The following PRMT3 variants were observed in gnomAD, a reference collection of about 807,000 sequenced individuals.
PRMT3 encodes protein arginine N-methyltransferase 3.
Under a neutral mutation model 71.9 loss-of-function variants are expected in PRMT3, and 62 were observed. The ratio of observed to expected loss-of-function variants is 0.86; its 90% CI spans 0.70 to 1.07. The LOEUF is 1.07. Among genes scored for constraint, PRMT3 ranks in the 50% least tolerant of loss-of-function variants. The pLI is 0.00. For synonymous variants in PRMT3, 213 were observed against 220.4 expected, an observed-to-expected ratio of 0.97 and a Z score of 0.30; for missense variants, 663 against 643.0, an observed-to-expected ratio of 1.03 and a Z score of -0.34.
intron 10 of PRMT3, among the ~76,000 whole-genome samples, chr11:20,429,902 A>C (rs116203623): frequency 0.011 from 1,680 of 152,304 alleles, 39 homozygotes; most frequent in African/African-American, 0.039. Flanking sequence ...CATTTATGGT[A>C]TCTTCTAAAT....
At chr11:20,402,254 G>C (rs1390774000) in intron 7 of PRMT3, among the ~76,000 whole-genome samples, 3 of 151,970 alleles carry the variant, frequency 2.0e-5, no homozygotes, top group Non-Finnish European at 4.4e-5. Flanking sequence ...CCAGTAGCTA[G>C]GATTACAGGC....
At chr11:20,452,885 AAAT>A (rs1734295099) in intron 11 of PRMT3, among the ~76,000 whole-genome samples, 1 of 152,204 alleles carries the variant, frequency 6.6e-6, no homozygotes, top group African/African-American at 2.4e-5. Flanking sequence ...TTTAACTCTT[AAAT>A]GAGCTCCACA....
chr11:20,496,287 G>C (rs774743768), intron 15 of PRMT3, among the ~76,000 whole-genome samples: 1 of 151,956 alleles, frequency 6.6e-6, no homozygotes, highest in African/African-American at 2.4e-5. Context: ...GCATGGTGGC[G>C]CACACCTATA....
chr11:20,436,546 T>G (rs1186183595), intron 10 of PRMT3, among the ~76,000 whole-genome samples: 1 of 152,200 alleles, frequency 6.6e-6, no homozygotes, highest in Non-Finnish European at 1.5e-5. Flanking sequence ...GAGATGATCA[T>G]ATGGCTTTTG....
intron 15 of PRMT3, among the ~76,000 whole-genome samples, chr11:20,502,121 A>G (rs1304978048): frequency 6.6e-6 from 1 of 152,198 alleles, no homozygotes; most frequent in Non-Finnish European, 1.5e-5. Context: ...ATATACTAAC[A>G]GCCGTCTGCT....
intron 10 of PRMT3, among the ~76,000 whole-genome samples, chr11:20,437,355 C>G (rs1161813475): frequency 6.6e-6 from 1 of 152,070 alleles, no homozygotes; most frequent in Non-Finnish European, 1.5e-5. Context: ...TGAAATCATT[C>G]AACTTTTTTG....
chr11:20,495,354 C>T (rs1015840053), intron 15 of PRMT3, among the ~76,000 whole-genome samples: 5 of 151,768 alleles, frequency 3.3e-5, no homozygotes, highest in African/African-American at 1.2e-4. Context: ...ATAGCAAGAC[C>T]CTATCTCTAC....
At chr11:20,471,837 G>A (rs1200448239) in intron 13 of PRMT3, among the ~76,000 whole-genome samples, 2 of 152,144 alleles carry the variant, frequency 1.3e-5, no homozygotes, top group African/African-American at 4.8e-5. Flanking sequence ...CCCTTAGCAT[G>A]GAATGTTTTT....
rs536965435 is a variant in PRMT3, at chr11:20,406,860, A to G, written c.772-1051A>G. 2.0e-5 allele frequency: 3 copies of G among 152,212 alleles called. No individual in the cohort carries two copies. In the East Asian group the frequency reaches 5.8e-4, roughly 29 times the overall value. 9.4% of individuals were successfully genotyped at this position (152,212 alleles called of 1,614,324 possible). On this transcript the variant is annotated intron_variant, in intron 8 of 15. Coordinates refer to ENST00000331079, the MANE Select transcript of PRMT3 (RefSeq NM_005788.4). ...GCTATCCTAGTTGGTGTGAGGTGATATTTATATTGATTTGCATTTTTCTAA... is the reference window on the plus strand; with the variant it reads ...GCTATCCTAGTTGGTGTGAGGTGATGTTTATATTGATTTGCATTTTTCTAA...
chr11:20,474,091 T>A (rs1043271206), intron 13 of PRMT3, among the ~76,000 whole-genome samples: 1 of 152,128 alleles, frequency 6.6e-6, no homozygotes, highest in African/African-American at 2.4e-5. Flanking sequence ...TACTGACCTG[T>A]TCCCAGCCTG....
intron 9 of PRMT3, among the ~76,000 whole-genome samples, chr11:20,413,686 A>G (rs2133332312): frequency 6.6e-6 from 1 of 152,112 alleles, no homozygotes; most frequent in African/African-American, 2.4e-5. Flanking sequence ...TCAAACTGTG[A>G]CTACTTTTTT....
chr11:20,479,616 C>T lies in PRMT3; in HGVS notation c.1348-14303C>T, dbSNP rs545395640. Among the ~76,000 whole-genome samples the T allele has an allele frequency of 9.2e-5, 14 of 151,922 alleles. No individual in the cohort carries two copies. The South Asian group carries it at 2.9e-3, about 32-fold the overall frequency. Reference sequence around the variant, plus strand: ...AAGAGATTAGGTGAAGTATGTGTGCCGAATATAGGTTTGTCAGAGGTTCTC... The same window carrying T: ...AAGAGATTAGGTGAAGTATGTGTGCTGAATATAGGTTTGTCAGAGGTTCTC... On this transcript the variant is annotated intron_variant, in intron 13 of 15. Transcript: ENST00000331079.
intron 11 of PRMT3, among the ~76,000 whole-genome samples, chr11:20,453,089 G>A (rs1850186291): frequency 6.6e-6 from 1 of 151,958 alleles, no homozygotes; most frequent in Admixed American, 6.6e-5. Flanking sequence ...ACATGAAAGG[G>A]GCAGGCATTT....
intron 9 of PRMT3, among the ~76,000 whole-genome samples, chr11:20,424,266 G>A (rs1261111584): frequency 4.0e-5 from 1 of 25,036 alleles, no homozygotes; most frequent in African/African-American, 5.9e-5. Flanking sequence ...AAACTTTAAG[G>A]AGGTACTATC....
intron 10 of PRMT3, among the ~76,000 whole-genome samples, chr11:20,432,730 T>C (rs910467418): frequency 3.3e-5 from 5 of 152,214 alleles, no homozygotes; most frequent in Non-Finnish European, 7.3e-5. Flanking sequence ...TATTTTGTCT[T>C]TTTGATAACA....
chr11:20,427,247 A>G (rs1278906840), intron 10 of PRMT3, among the ~76,000 whole-genome samples: 5 of 152,190 alleles, frequency 3.3e-5, no homozygotes, highest in Non-Finnish European at 7.3e-5. Flanking sequence ...TATTGCCACC[A>G]TTATCATACT....
At chr11:20,403,628 T>C (rs536163150) in intron 8 of PRMT3, among the ~76,000 whole-genome samples, 28 of 152,200 alleles carry the variant, frequency 1.8e-4, no homozygotes, top group African/African-American at 6.7e-4. Context: ...TTTCCCTCTC[T>C]CTTTTCCTCT....
At chr11:20,404,163 T>G (rs1319333337) in intron 8 of PRMT3, among the ~76,000 whole-genome samples, 3 of 149,834 alleles carry the variant, frequency 2.0e-5, no homozygotes, top group Non-Finnish European at 3.0e-5. Context: ...TATATTTAGT[T>G]TTTTTTTGTA....
At chr11:20,466,368 A>G (rs879313050) in intron 13 of PRMT3, among the ~76,000 whole-genome samples, 1 of 152,078 alleles carries the variant, frequency 6.6e-6, no homozygotes, top group Non-Finnish European at 1.5e-5. Context: ...TATTTACCTT[A>G]ATTCCCCTAG....
Sources: allele counts gnomAD v4.1 joint callset (sites outside exome capture counted in the v4.1 genomes callset), GRCh38; gene constraint gnomAD v4.1.1; transcripts MANE v1.5; gene names NCBI Gene and HGNC (gene_info 2026-07-23, HGNC 2026-07-21).